Variants in EIF4A1 observed in about 807,000 individuals in gnomAD.
The protein encoded by EIF4A1 is eukaryotic translation initiation factor 4A1.
A neutral mutation model predicts 53.5 loss-of-function variants in EIF4A1; 11 were observed. The observed-to-expected ratio is 0.21, with a 90% CI of 0.13 to 0.34. EIF4A1 has a LOEUF of 0.34. Among genes scored for constraint, EIF4A1 ranks in the 10% least tolerant of loss-of-function variants. The pLI, the probability that EIF4A1 is intolerant of heterozygous loss-of-function variation, is 1.00. For synonymous variants in EIF4A1, 237 were observed against 186.7 expected (o/e 1.27, Z -2.20); for missense variants, 213 against 530.8 (o/e 0.40, Z 5.88).
rs575255819 is a variant in EIF4A1, at chr17:7,578,700, CAAAA to C, written c.*227_*230del. On this transcript the variant is annotated 3_prime_UTR_variant, in exon 11 of 11. Coordinates refer to ENST00000293831, the MANE Select transcript of EIF4A1 (RefSeq NM_001416.4). ...TTGCCCCAGGCGCCGGCTCTTCTCCCAAAAAAAAAAAAAAAACACTAATCCATTT... is the reference window on the plus strand; with the variant it reads ...TTGCCCCAGGCGCCGGCTCTTCTCCCAAAAAAAAAAAACACTAATCCATTT... 175 of 249,724 alleles carry C rather than the reference CAAAA, an allele frequency of 7.0e-4. No homozygotes were observed. Among genetic ancestry groups the C allele is most frequent in the Middle Eastern group, 3.5e-3 (3 of 858 alleles). 15.5% of individuals were successfully genotyped at this position (249,724 alleles called of 1,614,324 possible). A position where few individuals can be genotyped will look rare whatever the true frequency, so the allele number is the denominator to read the frequency against.
intron 9 of EIF4A1, 122 bp from the exon 10 acceptor site, chr17:7,578,043 G>A: frequency 6.4e-7 from 1 of 1,567,708 alleles, no homozygotes; most frequent in Non-Finnish European, 8.8e-7. Flanking sequence ...TAAGGCCTTT[G>A]GGGAACTGGG....
chr17:7,574,082 C>T (rs1306614099), intron 1 of EIF4A1, 178 bp from the exon 2 acceptor site: 2 of 687,258 alleles, frequency 2.9e-6, no homozygotes, highest in Non-Finnish European at 4.9e-6. Context: ...CTGCATGGGG[C>T]AAATGCCTCA....
At chr17:7,576,482 C>T (rs1302496907) in intron 4 of EIF4A1, 42 bp from the exon 5 acceptor site, 1 of 1,513,322 alleles carries the variant, frequency 6.6e-7, no homozygotes, top group Non-Finnish European at 8.8e-7. Context: ...GTGCCGGGCA[C>T]AGTGGTAACT....
chr17:7,573,006 A>C (rs567574739), intron 1 of EIF4A1, 142 bp downstream of exon 1: 1 of 1,489,274 alleles, frequency 6.7e-7, no homozygotes, highest in South Asian at 1.1e-5. Context: ...TGGAGGGGCG[A>C]GGGGGAAGAC....
intron 9 of EIF4A1, 52 bp from the exon 10 acceptor site, chr17:7,578,113 G>A (rs371964753): frequency 9.3e-6 from 15 of 1,612,496 alleles, no homozygotes; most frequent in Non-Finnish European, 1.2e-5. Context: ...TCTTCCCTCC[G>A]GGATAGAGTG....
chr17:7,572,849 C>A lies in EIF4A1; in HGVS notation c.8C>A (p.Ala3Glu). Residue 3 changes from alanine (A) to glutamate (E), a missense_variant, in exon 1 of 11, where the codon GCG (alanine) becomes GAG (glutamate). Physicochemically the swap from Ala to Glu is moderately radical, Grantham distance 107. Coordinates refer to ENST00000293831, the MANE Select transcript of EIF4A1 (RefSeq NM_001416.4). MS[A>E]SQDSRSRDNG... ...CCCTAGTTTCTAAGGATCATGTCTG[C>A]GAGCCAGGATTCCCGGTAAGAAAGG... 3 of 1,614,164 alleles carry A rather than the reference C, an allele frequency of 1.9e-6. No homozygotes were observed. Among genetic ancestry groups the A allele is most frequent in the Non-Finnish European group, 2.5e-6 (3 of 1,179,988 alleles).
At chr17:7,576,480 C>A in intron 4 of EIF4A1, 44 bp from the exon 5 acceptor site, 1 of 1,512,256 alleles carries the variant, frequency 6.6e-7, no homozygotes, top group Non-Finnish European at 8.8e-7. Flanking sequence ...TGGTGCCGGG[C>A]ACAGTGGTAA....
chr17:7,578,014 G>C, intron 9 of EIF4A1, 98 bp downstream of exon 9: 1 of 1,580,840 alleles, frequency 6.3e-7, no homozygotes, highest in Non-Finnish European at 8.7e-7. Flanking sequence ...TAGCAGCTTG[G>C]AATAGAATCT....
rs996401120 is a variant in EIF4A1 at position 7,578,725 on chromosome 17, C to T, written c.*239C>T. On this transcript the variant is annotated 3_prime_UTR_variant, in exon 11 of 11. Transcript: ENST00000293831. ...CAAAAAAAAAAAAAAAACACTAATC[C>T]ATTTCCCTAACCTAGTAACCTCCAG... The T allele has an allele frequency of 1.1e-4, 42 of 366,032 alleles. No homozygotes were observed. Among genetic ancestry groups the T allele is most frequent in the African/African-American group, 8.2e-4 (39 of 47,388 alleles). The allele number at this position is 366,032 out of a possible 1,614,324, so 22.7% of individuals were successfully genotyped here. A position where few individuals can be genotyped will look rare whatever the true frequency, so the allele number is the denominator to read the frequency against.
At chr17:7,574,422 A>G (rs2071372414) in intron 2 of EIF4A1, 114 bp downstream of exon 2, 1 of 1,603,608 alleles carries the variant, frequency 6.2e-7, no homozygotes, top group Non-Finnish European at 8.5e-7. Flanking sequence ...TGGTTTCCCT[A>G]AAGGGAGGAG....
intron 1 of EIF4A1, chr17:7,573,271 C>G: frequency 2.9e-6 from 1 of 348,654 alleles, no homozygotes; most frequent in Non-Finnish European, 5.4e-6. Flanking sequence ...GGTTCCGGAG[C>G]ATTCTGACGG....
chr17:7,574,052 G>A, intron 1 of EIF4A1: 1 of 600,504 alleles, frequency 1.7e-6, no homozygotes, highest in Non-Finnish European at 2.9e-6. Context: ...TGTCGGGGGT[G>A]GCCTGGCCTG....
chr17:7,576,880 CCTA>C (rs1479001730), intron 5 of EIF4A1, 173 bp from the exon 6 acceptor site: 2 of 1,335,840 alleles, frequency 1.5e-6, no homozygotes, highest in African/African-American at 1.4e-5. Context: ...CTGGCAGTGT[CCTA>C]CTTCCCAGGG....
In EIF4A1 at chr17:7,573,150, C is replaced by A. The variant is rs1336471878; in HGVS notation, c.23+286C>A. 14 of 573,704 alleles carry A rather than the reference C, an allele frequency of 2.4e-5. No individual in the cohort carries two copies. The Admixed American group carries it at 3.1e-4, about 13-fold the overall frequency. 35.5% of individuals were successfully genotyped at this position (573,704 alleles called of 1,614,324 possible). A position where few individuals can be genotyped will look rare whatever the true frequency, so the allele number is the denominator to read the frequency against. On this transcript the variant is annotated intron_variant, in intron 1 of 10. Transcript: ENST00000293831. ...GAAGCCCCGGCGCTGAGTGGCGAGA[C>A]GGGGTCGCGACCTGGCGTGGGAAAG...
Position 7,577,144 on chromosome 17 carries a change from A to G in EIF4A1, c.603A>G (p.Gln201=), listed in dbSNP as rs753238326. ...GFKDQIYDIF[Q]KLNSNTQVVL... The stretch of plus-strand genomic sequence containing the variant: ...AGGACCAGATCTATGACATATTCCA[A>G]AAGCTCAACAGCAACACCCAGGTGA... Residue 201 remains glutamine, a synonymous_variant, in exon 6 of 11, where the codon CAA becomes CAG. Coordinates refer to ENST00000293831, the MANE Select transcript of EIF4A1 (RefSeq NM_001416.4). This position sits in a 1 kb window ranked among gnomAD's most constrained non-coding sequence, Gnocchi z 4.7. The G allele has an allele frequency of 2.4e-5, 39 of 1,601,362 alleles. 2 individuals are homozygous for G. The South Asian group carries it at 4.1e-4, about 17-fold the overall frequency.
chr17:7,575,096 C>A, intron 3 of EIF4A1, 23 bp from the exon 4 acceptor site: 2 of 1,611,122 alleles, frequency 1.2e-6, no homozygotes, highest in Non-Finnish European at 1.7e-6. Flanking sequence ...TTACCACATT[C>A]AACTCCTAAT....
At chr17:7,574,056 T>C (rs567387757) in intron 1 of EIF4A1, 2 of 609,498 alleles carry the variant, frequency 3.3e-6, no homozygotes, top group African/African-American at 3.7e-5. Flanking sequence ...GGGGGTGGCC[T>C]GGCCTGAGCC....
chr17:7,576,838 T>C, intron 5 of EIF4A1, 146 bp downstream of exon 5: 1 of 1,458,498 alleles, frequency 6.9e-7, no homozygotes, highest in Non-Finnish European at 9.5e-7. Flanking sequence ...ATGCGTGTCA[T>C]CTGAGCCTCT....
chr17:7,573,313 C>G, intron 1 of EIF4A1: 1 of 264,562 alleles, frequency 3.8e-6, no homozygotes, highest in South Asian at 4.2e-5. Context: ...GTGCCTGGTC[C>G]TTAGATCCAG....
Sources: allele counts gnomAD v4.1 joint callset, GRCh38; gene constraint gnomAD v4.1.1; non-coding constraint Gnocchi (gnomAD v3.1); transcripts MANE v1.5; gene names NCBI Gene and HGNC (gene_info 2026-07-23, HGNC 2026-07-21).